The following CLEC7A variants were observed in gnomAD, a reference collection of about 807,000 sequenced individuals.
CLEC7A encodes the protein C-type lectin domain containing 7A.
Under a neutral mutation model 26.9 loss-of-function variants are expected in CLEC7A, and 25 were observed. That is an observed-to-expected ratio of 0.93 (90% CI 0.68 to 1.30). CLEC7A has a LOEUF of 1.30. Among genes scored for constraint, CLEC7A ranks in the 50% most tolerant of loss-of-function variants. The pLI, the probability that CLEC7A is intolerant of heterozygous loss-of-function variation, is 0.00. For synonymous variants in CLEC7A, 100 were observed against 99.5 expected (o/e 1.01, Z -0.03); for missense variants, 275 against 286.7 (o/e 0.96, Z 0.29).
Position 10,129,969 on chromosome 12 carries a change from C to T in CLEC7A, c.103+11G>A. ...AGCTAAAGGCACACATTAGAAAAAA[C>T]ATATATATACCTTTCTCTGAAACAA... is the stretch of plus-strand genomic sequence containing the variant. On this transcript the variant is annotated intron_variant, in intron 1 of 5. Coordinates refer to ENST00000304084, the MANE Select transcript of CLEC7A (RefSeq NM_197947.3). 1 of 1,511,888 alleles carries T rather than the reference C, an allele frequency of 6.6e-7. No individual in the cohort carries two copies. Among genetic ancestry groups the T allele is most frequent in the Non-Finnish European group, 9.2e-7 (1 of 1,087,926 alleles). The allele number at this position is 1,511,888 out of a possible 1,614,324, so 93.7% of individuals were successfully genotyped here.
intron 2 of CLEC7A, chr12:10,127,098 T>C (rs769893476): frequency 9.1e-6 from 12 of 1,311,502 alleles, no homozygotes; most frequent in Admixed American, 2.4e-5. Flanking sequence ...ACCTATAACA[T>C]AGAACGCACT....
At chr12:10,125,050 C>T (rs1272898128) in intron 4 of CLEC7A, 3 of 493,152 alleles carry the variant, frequency 6.1e-6, no homozygotes, top group Non-Finnish European at 1.1e-5. Flanking sequence ...TACAAAAAAA[C>T]ATTAGACGAG....
chr12:10,126,923 A>AAG (rs1555082533), intron 2 of CLEC7A: 2 of 867,728 alleles, frequency 2.3e-6, no homozygotes, highest in Non-Finnish European at 3.2e-6. Context: ...GTAAAAAAAA[A>AAG]AAAAGAAAAG....
At chr12:10,122,732 C>T (rs1332338734) in intron 5 of CLEC7A, among the ~76,000 whole-genome samples, 1 of 152,056 alleles carries the variant, frequency 6.6e-6, no homozygotes, top group Admixed American at 6.6e-5. Context: ...CTCAAGTGAT[C>T]CGCCCACCTG....
chr12:10,130,265 A>C, upstream of CLEC7A: 1 of 460,106 alleles, frequency 2.2e-6, no homozygotes, highest in Non-Finnish European at 4.0e-6. Context: ...AAATGAAACT[A>C]TGCTGTGGTA....
chr12:10,117,147 T>A lies in CLEC7A; in HGVS notation c.*1311A>T, dbSNP rs58887007. On this transcript the variant is annotated 3_prime_UTR_variant, in exon 6 of 6. Coordinates refer to ENST00000304084, the MANE Select transcript of CLEC7A (RefSeq NM_197947.3). ...GAGGTTGGTTACTTTTTTATATTCA[T>A]CATCAGATTTTATGTATTTTTATGT... is the stretch of plus-strand genomic sequence containing the variant. 2.0e-4 allele frequency: 30 copies of A among 152,324 alleles called. No homozygotes were observed. In the East Asian group the frequency reaches 5.6e-3, roughly 28 times the overall value. 9.4% of individuals were successfully genotyped at this position (152,324 alleles called of 1,614,324 possible).
In CLEC7A at chr12:10,126,872, A is replaced by G. The variant is rs577090777; in HGVS notation, c.203-164T>C. On this transcript the variant is annotated intron_variant, in intron 2 of 5. Coordinates refer to ENST00000304084, the MANE Select transcript of CLEC7A (RefSeq NM_197947.3). ...TGGAGAGATAAAGACGATTGATAGA[A>G]TAGATGAAAAGAAATACATAACTTT... 31 of 675,834 alleles carry G rather than the reference A, an allele frequency of 4.6e-5. No individual in the cohort carries two copies. The African/African-American group carries it at 5.3e-4, about 12-fold the overall frequency. The allele number at this position is 675,834 out of a possible 1,614,324, so 41.9% of individuals were successfully genotyped here.
rs886127064 is a variant in CLEC7A, at chr12:10,124,398, C to G, written c.492+899G>C. 2.0e-5 allele frequency among the ~76,000 whole-genome samples: 3 copies of G among 152,200 alleles called. 1 individual carries two copies. The highest frequency in any genetic ancestry group is 6.5e-5 in the Admixed American group (1 of 15,288). On this transcript the variant is annotated intron_variant, in intron 4 of 5. Coordinates refer to ENST00000304084, the MANE Select transcript of CLEC7A (RefSeq NM_197947.3). ...AACCCCTTATCTTACCTCATTGAAG[C>G]TCTACCCTTCATTCATGATGTGTTA...
chr12:10,126,820 T>A, intron 2 of CLEC7A, 112 bp from the exon 3 acceptor site: 1 of 830,290 alleles, frequency 1.2e-6, no homozygotes, highest in Non-Finnish European at 1.8e-6. Flanking sequence ...CATTATTGAT[T>A]AATGATAAAT....
At chr12:10,126,341 T>C (rs1257781446) in intron 3 of CLEC7A, 1 of 982,640 alleles carries the variant, frequency 1.0e-6, no homozygotes, top group Non-Finnish European at 1.2e-6. Flanking sequence ...TTTTAAAAAT[T>C]AATAAAGTCC....
At chr12:10,120,847 C>T (rs1238778909) in intron 5 of CLEC7A, among the ~76,000 whole-genome samples, 2 of 150,432 alleles carry the variant, frequency 1.3e-5, no homozygotes, top group Admixed American at 6.6e-5. Context: ...CTCCGTCTCC[C>T]GGGTTGAAGC....
chr12:10,118,476 C>T lies in CLEC7A; in HGVS notation c.726G>A (p.Glu242=). 4 of 1,610,492 alleles carry T rather than the reference C, an allele frequency of 2.5e-6. No homozygotes were observed. The highest frequency in any genetic ancestry group is 2.5e-6 in the Non-Finnish European group (3 of 1,176,954). ...LCSVPSYSIC[E]KKFSM ...CTTCCTCTTACATTGAAAACTTCTT[C>T]TCACAAATACTATATGAGGGCACAC... Residue 242 remains glutamate (E), a synonymous_variant, in exon 6 of 6, where the codon GAG becomes GAA. Transcript: ENST00000304084.
At chr12:10,125,502 T>A in intron 3 of CLEC7A, 54 bp from the exon 4 acceptor site, 2 of 1,433,476 alleles carry the variant, frequency 1.4e-6, no homozygotes, top group Non-Finnish European at 1.9e-6. Context: ...TTCACTCTTT[T>A]AGTGTGAACA....
chr12:10,127,158 G>A (rs1341173626), intron 2 of CLEC7A: 3 of 1,064,474 alleles, frequency 2.8e-6, no homozygotes, highest in Non-Finnish European at 3.9e-6. Flanking sequence ...CTCTGAAGGT[G>A]ACTGACAACA....
intron 5 of CLEC7A, 56 bp from the exon 6 acceptor site, chr12:10,118,646 A>G: frequency 1.4e-6 from 2 of 1,427,672 alleles, no homozygotes; most frequent in Non-Finnish European, 1.9e-6. Context: ...AATACTGTCT[A>G]CATGGCGCAC....
chr12:10,119,014 A>G (rs1947996157), intron 5 of CLEC7A, among the ~76,000 whole-genome samples: 1 of 152,188 alleles, frequency 6.6e-6, no homozygotes, highest in Non-Finnish European at 1.5e-5. Flanking sequence ...CAGATCTAGA[A>G]CTAAAAAGAG....
chr12:10,118,770 A>G (rs933542798), intron 5 of CLEC7A, among the ~76,000 whole-genome samples, 180 bp from the exon 6 acceptor site: 5 of 152,150 alleles, frequency 3.3e-5, no homozygotes, highest in Admixed American at 1.3e-4. Context: ...AATAGTCTCC[A>G]TTATTAAGGC....
rs1020727286 is a variant in CLEC7A, at chr12:10,120,648, G to A, written c.612-2058C>T. Among the ~76,000 whole-genome samples the A allele has an allele frequency of 8.0e-5, 12 of 149,378 alleles. No homozygotes were observed. In the East Asian group the frequency reaches 9.9e-4, roughly 12 times the overall value. ...TCACCATTTTGGCCAGGCTGGTATC[G>A]AACTCCAGAGATCAAGTGATCCGCC... On this transcript the variant is annotated intron_variant, in intron 5 of 5. Coordinates refer to ENST00000304084, the MANE Select transcript of CLEC7A (RefSeq NM_197947.3).
At chr12:10,129,461 C>G (rs1948416951) in intron 1 of CLEC7A, among the ~76,000 whole-genome samples, 1 of 152,110 alleles carries the variant, frequency 6.6e-6, no homozygotes, top group South Asian at 2.1e-4. Flanking sequence ...AATTTAAACA[C>G]TAATAATTGG....
Sources: gnomAD v4.1 joint callset for allele counts (sites outside exome capture counted in the v4.1 genomes callset) on GRCh38, gnomAD v4.1.1 for gene constraint, MANE v1.5 for transcripts, NCBI Gene and HGNC (gene_info 2026-07-23, HGNC 2026-07-21) for gene names.